The following KCNMA1 variants were observed in gnomAD, a reference collection of about 807,000 sequenced individuals.
KCNMA1 encodes Calcium-activated potassium channel subunit alpha-1.
Under a neutral mutation model 140.0 loss-of-function variants are expected in KCNMA1, and 29 were observed. That is an observed-to-expected ratio of 0.21 (90% CI 0.15 to 0.28). The LOEUF is 0.28. Among genes scored for constraint, KCNMA1 ranks in the 10% least tolerant of loss-of-function variants. The pLI, the probability that KCNMA1 is intolerant of heterozygous loss-of-function variation, is 1.00. For synonymous variants in KCNMA1, 612 were observed against 611.9 expected (o/e 1.00, Z 0.00); for missense variants, 880 against 1,602.2 (o/e 0.55, Z 7.70).
intron 3 of KCNMA1, among the ~76,000 whole-genome samples, chr10:77,228,761 A>G (rs1471997168): frequency 6.6e-6 from 1 of 152,114 alleles, no homozygotes; most frequent in Non-Finnish European, 1.5e-5. Flanking sequence ...TCCCTCCCTC[A>G]TTATTCACCA....
At chr10:77,356,972 G>A (rs985425522) in intron 2 of KCNMA1, among the ~76,000 whole-genome samples, 6 of 152,192 alleles carry the variant, frequency 3.9e-5, no homozygotes, top group Non-Finnish European at 1.5e-5. Context: ...TCTTTCTATT[G>A]AAAGCCAAAG....
intron 1 of KCNMA1, among the ~76,000 whole-genome samples, chr10:77,518,270 T>C (rs762390441): frequency 3.9e-5 from 6 of 152,236 alleles, no homozygotes; most frequent in Admixed American, 1.3e-4. Flanking sequence ...TTATTTACTA[T>C]GTTTCTGCCT....
chr10:77,292,528 G>T (rs995060080), intron 2 of KCNMA1, among the ~76,000 whole-genome samples: 3 of 152,220 alleles, frequency 2.0e-5, no homozygotes, highest in Non-Finnish European at 4.4e-5. Context: ...ACTGGGCAAA[G>T]CCCAGAGGGC....
At chr10:76,929,890 A>C (rs1194501299) in intron 23 of KCNMA1, 2 of 145,166 alleles carry the variant, frequency 1.4e-5, no homozygotes, top group African/African-American at 2.8e-5. Flanking sequence ...GGTAAAGGAC[A>C]GTCTATTCAA....
intron 9 of KCNMA1, among the ~76,000 whole-genome samples, chr10:77,097,518 G>T (rs2096964411): frequency 6.6e-6 from 1 of 152,082 alleles, no homozygotes; most frequent in Non-Finnish European, 1.5e-5. Flanking sequence ...GCAGAAAAAA[G>T]TTAACAGGTA....
intron 1 of KCNMA1, among the ~76,000 whole-genome samples, chr10:77,558,178 T>C (rs755807889): frequency 7.2e-5 from 11 of 152,184 alleles, no homozygotes; most frequent in Non-Finnish European, 1.3e-4. Flanking sequence ...AAGTGGGTTC[T>C]TGCTTCTTCA....
chr10:77,486,682 C>T (rs948026213), intron 1 of KCNMA1, among the ~76,000 whole-genome samples: 1 of 152,220 alleles, frequency 6.6e-6, no homozygotes, highest in Non-Finnish European at 1.5e-5. Flanking sequence ...ATCTGTCACT[C>T]CTGAAGCCAG....
intron 1 of KCNMA1, among the ~76,000 whole-genome samples, chr10:77,562,994 C>T (rs1418632418): frequency 6.6e-6 from 1 of 152,062 alleles, no homozygotes. Context: ...TTACGCTATG[C>T]CCTGAAATTT....
chr10:77,471,420 C>T (rs1465366461), intron 1 of KCNMA1, among the ~76,000 whole-genome samples: 1 of 150,230 alleles, frequency 6.7e-6, no homozygotes, highest in Non-Finnish European at 1.5e-5. Flanking sequence ...ACACACCAAG[C>T]ACCACACACA....
chr10:76,958,276 G>A (rs761176124), intron 20 of KCNMA1, among the ~76,000 whole-genome samples: 1 of 152,156 alleles, frequency 6.6e-6, no homozygotes, highest in African/African-American at 2.4e-5. Context: ...TTGAAATCAA[G>A]GACCAGGATT....
intron 9 of KCNMA1, among the ~76,000 whole-genome samples, chr10:77,104,564 C>A (rs1409343139): frequency 6.6e-6 from 1 of 152,198 alleles, no homozygotes; most frequent in East Asian, 1.9e-4. Context: ...TTCTCTCTGT[C>A]CCAAACACCT....
intron 2 of KCNMA1, among the ~76,000 whole-genome samples, chr10:77,346,041 G>A (rs951368823): frequency 1.3e-5 from 2 of 152,148 alleles, no homozygotes; most frequent in Non-Finnish European, 2.9e-5. Flanking sequence ...CCAGGACCCT[G>A]CATCATGGAA....
intron 18 of KCNMA1, among the ~76,000 whole-genome samples, chr10:77,003,975 G>A (rs1388012486): frequency 6.6e-6 from 1 of 152,092 alleles, no homozygotes; most frequent in African/African-American, 2.4e-5. Flanking sequence ...CCGTTCTGGC[G>A]ACCATGCATT....
At chr10:77,067,779 G>A (rs2096013512) in intron 14 of KCNMA1, among the ~76,000 whole-genome samples, 2 of 152,316 alleles carry the variant, frequency 1.3e-5, no homozygotes, top group South Asian at 4.1e-4. Flanking sequence ...AGGTAAAGAA[G>A]ATGCACAGAA....
At chr10:76,880,050 T>C (rs973718509), downstream of KCNMA1, among the ~76,000 whole-genome samples, 1 of 152,176 alleles carries the variant, frequency 6.6e-6, no homozygotes, top group African/African-American at 2.4e-5. Flanking sequence ...AGGTTGGACA[T>C]GCCAGGTTGG....
chr10:77,332,222 A>G (rs1261130042), intron 2 of KCNMA1, among the ~76,000 whole-genome samples: 1 of 152,136 alleles, frequency 6.6e-6, no homozygotes, highest in African/African-American at 2.4e-5. Flanking sequence ...CGTGCACAGG[A>G]GTTGGCCAGG....
chr10:77,284,727 T>C (rs185455541), intron 2 of KCNMA1, among the ~76,000 whole-genome samples: 1 of 152,294 alleles, frequency 6.6e-6, no homozygotes, highest in African/African-American at 2.4e-5. Flanking sequence ...TTGGCCAGGC[T>C]GGTCGTGAAC....
chr10:77,487,258 T>C (rs960052326), intron 1 of KCNMA1, among the ~76,000 whole-genome samples: 11 of 151,174 alleles, frequency 7.3e-5, no homozygotes, highest in African/African-American at 2.7e-4. Context: ...AGGTAATACA[T>C]TTTTTTTTGG....
intron 2 of KCNMA1, among the ~76,000 whole-genome samples, chr10:77,291,555 C>T (rs538528033): frequency 1.3e-5 from 2 of 152,238 alleles, no homozygotes; most frequent in East Asian, 3.9e-4. Context: ...TTTAGCAGGG[C>T]GAAATGTCCC....
Sources: gnomAD v4.1 joint callset for allele counts (sites outside exome capture counted in the v4.1 genomes callset) on GRCh38, gnomAD v4.1.1 for gene constraint, MANE v1.5 for transcripts, NCBI Gene and HGNC (gene_info 2026-07-23, HGNC 2026-07-21) for gene names.